METTL8: variants seen among roughly 807,000 people sequenced by gnomAD.
METTL8 encodes the protein tRNA N(3)-cytidine methyltransferase METTL8, mitochondrial.
METTL8 carries 32 observed loss-of-function variants against 48.7 expected under a neutral mutation model. The observed-to-expected ratio is 0.66, with a 90% confidence interval of 0.50 to 0.88. The LOEUF is 0.88. Among genes scored for constraint, METTL8 ranks in the 40% least tolerant of loss-of-function variants. METTL8 has a pLI of 0.00. For missense variants in METTL8, 464 were observed against 474.4 expected, an observed-to-expected ratio of 0.98 and a Z score of 0.20; for synonymous variants, 136 against 157.1, an observed-to-expected ratio of 0.87 and a Z score of 1.01.
rs1423978030 is a variant in METTL8 at position 171,321,633 on chromosome 2, T to A, written c.*2539A>T. ...ATGATGGTTCTTTCAAGAGAGTATT[T>A]ATTTATTCTAGGTTCTGTGGTTCAT... On this transcript the variant is annotated 3_prime_UTR_variant, in exon 10 of 10. Transcript: ENST00000375258. The A allele has an allele frequency of 6.6e-6, 1 of 152,230 alleles. No individual in the cohort carries two copies. The highest frequency in any genetic ancestry group is 2.4e-5 in the African/African-American group (1 of 41,464). 9.4% of individuals were successfully genotyped at this position (152,230 alleles called of 1,614,324 possible).
intron 1 of METTL8, among the ~76,000 whole-genome samples, chr2:171,398,244 G>A (rs779738974): frequency 1.3e-5 from 2 of 152,088 alleles, no homozygotes; most frequent in Non-Finnish European, 2.9e-5. Context: ...AGCAACCCAC[G>A]TGTCCATTGA....
At chr2:171,400,715 G>A (rs968846313) in intron 1 of METTL8, among the ~76,000 whole-genome samples, 1 of 152,132 alleles carries the variant, frequency 6.6e-6, no homozygotes, top group African/African-American at 2.4e-5. Context: ...CTTCTGCAGA[G>A]CTGAGTAGTA....
At chr2:171,336,299 G>T (rs1360018138) in intron 5 of METTL8, among the ~76,000 whole-genome samples, 1 of 149,480 alleles carries the variant, frequency 6.7e-6, no homozygotes, top group Non-Finnish European at 1.5e-5. Flanking sequence ...GTTTCACTAT[G>T]TTGGCCAGGC....
chr2:171,418,658 CTCTTT>C (rs1691565877), intron 1 of METTL8, among the ~76,000 whole-genome samples: 1 of 151,960 alleles, frequency 6.6e-6, no homozygotes, highest in Non-Finnish European at 1.5e-5. Flanking sequence ...CCATTAAGAG[CTCTTT>C]CAAGCCAGGC....
intron 2 of METTL8, among the ~76,000 whole-genome samples, chr2:171,385,775 G>A (rs1210588706): frequency 6.6e-6 from 1 of 152,234 alleles, no homozygotes; most frequent in African/African-American, 2.4e-5. Flanking sequence ...GGAAAAGGAA[G>A]TGGTGCTGTT....
chr2:171,397,370 A>AC (rs1246369849), intron 1 of METTL8, among the ~76,000 whole-genome samples: 1 of 146,612 alleles, frequency 6.8e-6, no homozygotes, highest in Non-Finnish European at 1.5e-5. Context: ...AAAAAAAAAA[A>AC]AAAAAAAAAC....
At chr2:171,329,457 A>G (rs1318972245) in intron 7 of METTL8, among the ~76,000 whole-genome samples, 1 of 152,212 alleles carries the variant, frequency 6.6e-6, no homozygotes, top group Non-Finnish European at 1.5e-5. Context: ...AACTGTTCAT[A>G]TAAGGAAACC....
At chr2:171,362,402 TG>T (rs1363572778) in intron 2 of METTL8, among the ~76,000 whole-genome samples, 1 of 151,766 alleles carries the variant, frequency 6.6e-6, no homozygotes, top group Non-Finnish European at 1.5e-5. Context: ...TCTAGGAAAG[TG>T]GGGGTAACAA....
At chr2:171,434,672 A>T (rs748586810), upstream of METTL8, 2 of 1,511,968 alleles carry the variant, frequency 1.3e-6, no homozygotes, top group East Asian at 2.7e-5. Flanking sequence ...CAGAGGACCA[A>T]CCTGGGCATC....
At chr2:171,411,006 A>G (rs754436662) in intron 1 of METTL8, among the ~76,000 whole-genome samples, 1 of 152,222 alleles carries the variant, frequency 6.6e-6, no homozygotes, top group Non-Finnish European at 1.5e-5. Context: ...GTTTTTATTT[A>G]AATGGAACAT....
chr2:171,427,499 T>C (rs914170490), intron 1 of METTL8, among the ~76,000 whole-genome samples: 1 of 152,226 alleles, frequency 6.6e-6, no homozygotes, highest in African/African-American at 2.4e-5. Flanking sequence ...ACCTCTCTCC[T>C]GCACACTAAA....
chr2:171,355,845 G>C (rs760653870), intron 3 of METTL8, among the ~76,000 whole-genome samples: 3 of 152,188 alleles, frequency 2.0e-5, no homozygotes, highest in East Asian at 1.9e-4. Flanking sequence ...GGAGTGACCT[G>C]ATTTTCCAGG....
At chr2:171,345,614 T>G (rs987310756) in intron 3 of METTL8, among the ~76,000 whole-genome samples, 2 of 152,176 alleles carry the variant, frequency 1.3e-5, no homozygotes, top group African/African-American at 4.8e-5. Context: ...TCTCTATATA[T>G]TTTTTTCACA....
intron 3 of METTL8, among the ~76,000 whole-genome samples, chr2:171,359,504 C>T (rs1036055952): frequency 6.6e-6 from 1 of 152,126 alleles, no homozygotes; most frequent in African/African-American, 2.4e-5. Context: ...CCACCAATGC[C>T]ACTACTGGGT....
chr2:171,407,084 G>C (rs1009926363), intron 1 of METTL8, among the ~76,000 whole-genome samples: 2 of 152,132 alleles, frequency 1.3e-5, no homozygotes, highest in Admixed American at 1.3e-4. Flanking sequence ...GGAAGTGAAG[G>C]AAAATATAAC....
At chr2:171,409,509 A>G (rs1319437686) in intron 1 of METTL8, among the ~76,000 whole-genome samples, 1 of 152,148 alleles carries the variant, frequency 6.6e-6, no homozygotes, top group Non-Finnish European at 1.5e-5. Context: ...ATCAAGTCTT[A>G]CTTTCTGCAA....
chr2:171,366,143 G>A (rs947858737), intron 2 of METTL8, among the ~76,000 whole-genome samples: 1 of 152,228 alleles, frequency 6.6e-6, no homozygotes, highest in African/African-American at 2.4e-5. Context: ...TCTAGTAGAA[G>A]AGAGAGGATT....
chr2:171,432,140 T>C (rs113553560), intron 1 of METTL8, among the ~76,000 whole-genome samples: 1,912 of 152,154 alleles, frequency 0.013, 40 homozygotes, highest in African/African-American at 0.043. Flanking sequence ...GGGCCAGTTG[T>C]GCAGGGCACC....
At chr2:171,328,804 C>T (rs188220718) in intron 7 of METTL8, among the ~76,000 whole-genome samples, 248 of 152,088 alleles carry the variant, frequency 1.6e-3, no homozygotes, top group African/African-American at 5.4e-3. Flanking sequence ...ATTCTCCTGT[C>T]TCAGCCTCCC....
Sources: allele counts gnomAD v4.1 joint callset (sites outside exome capture counted in the v4.1 genomes callset), GRCh38; gene constraint gnomAD v4.1.1; transcripts MANE v1.5; gene names NCBI Gene and HGNC (gene_info 2026-07-23, HGNC 2026-07-21).